The following NALF1 variants were observed in gnomAD, a reference collection of about 807,000 sequenced individuals.
NALF1 encodes family with sequence similarity 155 member A.
In NALF1, 3 loss-of-function variants were observed where a neutral mutation model predicts 48.4. That is an observed-to-expected ratio of 0.06 (90% CI 0.03 to 0.16). NALF1 has a LOEUF of 0.16. Among genes scored for constraint, NALF1 ranks in the 10% least tolerant of loss-of-function variants. NALF1 has a pLI of 1.00. For missense variants in NALF1, 526 were observed against 571.5 expected, an observed-to-expected ratio of 0.92 and a Z score of 0.81; for synonymous variants, 262 against 245.7, an observed-to-expected ratio of 1.07 and a Z score of -0.62.
chr13:107,397,845 T>C (rs558058815), intron 1 of NALF1, among the ~76,000 whole-genome samples: 1 of 152,278 alleles, frequency 6.6e-6, no homozygotes, highest in African/African-American at 2.4e-5. Context: ...TTCCTATATA[T>C]AGAAAATTCT....
At chr13:107,487,841 T>C (rs1885354378) in intron 1 of NALF1, among the ~76,000 whole-genome samples, 1 of 151,952 alleles carries the variant, frequency 6.6e-6, no homozygotes, top group Non-Finnish European at 1.5e-5. Flanking sequence ...TTGGAATAGT[T>C]TCAGTAGGAA....
chr13:107,678,109 G>A (rs1881179937), intron 1 of NALF1, among the ~76,000 whole-genome samples: 1 of 152,168 alleles, frequency 6.6e-6, no homozygotes, highest in Non-Finnish European at 1.5e-5. Context: ...CCTTTTGTGT[G>A]TCAAAAGGAA....
chr13:107,816,635 T>C (rs796304543), intron 1 of NALF1, among the ~76,000 whole-genome samples: 7 of 152,134 alleles, frequency 4.6e-5, no homozygotes, highest in African/African-American at 1.4e-4. Flanking sequence ...ACCATATCAA[T>C]AGGTGAATTA....
intron 1 of NALF1, among the ~76,000 whole-genome samples, chr13:107,771,248 T>TTGTGTGTGTGTG (rs147526327): frequency 0.14 from 20,520 of 150,938 alleles, 1,562 homozygotes; most frequent in Admixed American, 0.23. Flanking sequence ...TTTTAACATG[T>TTGTGTGTGTGTG]TGTGTGTGTG....
chr13:107,592,080 G>A (rs1453699025), intron 1 of NALF1, among the ~76,000 whole-genome samples: 1 of 151,920 alleles, frequency 6.6e-6, no homozygotes, highest in Non-Finnish European at 1.5e-5. Context: ...GTGTGTACAT[G>A]TGTAAATAAT....
chr13:107,538,524 A>G (rs1315767075), intron 1 of NALF1, among the ~76,000 whole-genome samples: 1 of 152,176 alleles, frequency 6.6e-6, no homozygotes, highest in East Asian at 1.9e-4. Context: ...ATGGAGTTCT[A>G]ATCATATGAT....
At chr13:107,257,423 G>A (rs1386222477) in intron 1 of NALF1, among the ~76,000 whole-genome samples, 1 of 151,826 alleles carries the variant, frequency 6.6e-6, no homozygotes, top group East Asian at 1.9e-4. Flanking sequence ...CTTAATATTT[G>A]GAGAAAATAT....
intron 1 of NALF1, among the ~76,000 whole-genome samples, chr13:107,742,741 C>T (rs1164204945): frequency 2.0e-5 from 3 of 152,190 alleles, no homozygotes; most frequent in Admixed American, 2.0e-4. Context: ...TCTTTTCTCA[C>T]TAGAGTGTGG....
chr13:107,429,246 C>T (rs528383250), intron 1 of NALF1, among the ~76,000 whole-genome samples: 2 of 151,270 alleles, frequency 1.3e-5, no homozygotes, highest in South Asian at 2.1e-4. Flanking sequence ...TGCCTGAACC[C>T]GGGACATGGA....
chr13:107,639,649 T>C (rs954926774), intron 1 of NALF1, among the ~76,000 whole-genome samples: 2 of 152,058 alleles, frequency 1.3e-5, no homozygotes, highest in African/African-American at 4.8e-5. Flanking sequence ...CCCAGGCTTC[T>C]TCAGGACACA....
intron 1 of NALF1, among the ~76,000 whole-genome samples, chr13:107,318,644 A>G (rs1273586781): frequency 6.6e-6 from 1 of 152,066 alleles, no homozygotes; most frequent in African/African-American, 2.4e-5. Flanking sequence ...GCAACTTGGA[A>G]ATACTCATCA....
intron 1 of NALF1, among the ~76,000 whole-genome samples, chr13:107,643,200 A>G (rs138159133): frequency 1.7e-3 from 257 of 152,298 alleles, no homozygotes; most frequent in African/African-American, 5.7e-3. Flanking sequence ...CCTGGTGATG[A>G]TTGTACTCAA....
chr13:107,572,255 T>C lies in NALF1; in HGVS notation c.915+293427A>G, dbSNP rs562255081. Among the ~76,000 whole-genome samples, 634 of 152,290 alleles carry C rather than the reference T, an allele frequency of 4.2e-3. 5 individuals carry two copies. The highest frequency in any genetic ancestry group is 0.015 in the African/African-American group (608 of 41,552). On this transcript the variant is annotated intron_variant, in intron 1 of 2. Coordinates refer to ENST00000375915, the MANE Select transcript of NALF1 (RefSeq NM_001080396.3). ...TGAGGAGGCACTGACTCTCTTGTTC[T>C]GGTCTATTTTTTTCAACGACCTTCT...
In NALF1 at chr13:107,583,909, C is replaced by T. The variant is rs544318470; in HGVS notation, c.915+281773G>A. ...TCCTCATTAACTTTCTTCTTTGGCT[C>T]CCAGGTAAAGAGAGAGGTTTTCTAC... On this transcript the variant is annotated intron_variant, in intron 1 of 2. Transcript: ENST00000375915. Among the ~76,000 whole-genome samples, 4 of 152,098 alleles carry T rather than the reference C, an allele frequency of 2.6e-5. No individual in the cohort carries two copies. The South Asian group carries it at 8.3e-4, about 32-fold the overall frequency.
chr13:107,646,974 C>A (rs1325934376), intron 1 of NALF1, among the ~76,000 whole-genome samples: 1 of 151,980 alleles, frequency 6.6e-6, no homozygotes, highest in Non-Finnish European at 1.5e-5. Flanking sequence ...GTTGACCAAG[C>A]AAGTCTACTA....
chr13:107,446,405 T>TCA (rs34962012), intron 1 of NALF1, among the ~76,000 whole-genome samples: 36,132 of 145,916 alleles, frequency 0.25, 4,582 homozygotes, highest in Middle Eastern at 0.31. Flanking sequence ...ATAATTAAAT[T>TCA]CACACACACA....
chr13:107,522,636 T>G (rs545138736), intron 1 of NALF1, among the ~76,000 whole-genome samples: 1 of 151,968 alleles, frequency 6.6e-6, no homozygotes, highest in African/African-American at 2.4e-5. Context: ...GACAGTCTTG[T>G]TCTGTAGCCC....
intron 1 of NALF1, among the ~76,000 whole-genome samples, chr13:107,771,851 C>T (rs1269537085): frequency 1.3e-5 from 2 of 152,086 alleles, no homozygotes; most frequent in Non-Finnish European, 2.9e-5. Context: ...ATTCTCCTGC[C>T]TCAGCCTCTG....
chr13:107,808,701 A>G (rs912831886), intron 1 of NALF1, among the ~76,000 whole-genome samples: 2 of 151,608 alleles, frequency 1.3e-5, no homozygotes, highest in African/African-American at 4.9e-5. Context: ...GCTTAGATAG[A>G]TTAGGAGAAC....
Sources: allele counts gnomAD v4.1 joint callset (sites outside exome capture counted in the v4.1 genomes callset), GRCh38; gene constraint gnomAD v4.1.1; transcripts MANE v1.5; gene names NCBI Gene and HGNC (gene_info 2026-07-23, HGNC 2026-07-21).